MTURN: variants seen among roughly 807,000 people sequenced by gnomAD.
MTURN encodes the protein maturin, neural progenitor differentiation regulator homolog.
MTURN carries 7 observed loss-of-function variants against 14.9 expected under a neutral mutation model. The observed-to-expected ratio is 0.47, with a 90% CI of 0.27 to 0.88. MTURN has a LOEUF of 0.88. Among genes scored for constraint, MTURN ranks in the 40% least tolerant of loss-of-function variants. The probability of loss-of-function intolerance (pLI) is 0.14; values close to 1 mark genes in which losing one functional copy is unlikely to be tolerated. For missense variants in MTURN, 151 were observed against 174.1 expected (o/e 0.87, Z 0.75); for synonymous variants, 69 against 72.5 (o/e 0.95, Z 0.25).
chr7:30,155,110 G>A (rs184143204), intron 2 of MTURN, among the ~76,000 whole-genome samples: 30 of 152,194 alleles, frequency 2.0e-4, no homozygotes, highest in Admixed American at 1.4e-3. Flanking sequence ...CCTCAGCTGC[G>A]CCCTTTTCAT....
At chr7:30,156,060 A>C (rs1316200539) in intron 2 of MTURN, among the ~76,000 whole-genome samples, 1 of 152,062 alleles carries the variant, frequency 6.6e-6, no homozygotes, top group African/African-American at 2.4e-5. Flanking sequence ...GATCTCATGA[A>C]GGCACCAGGA....
At chr7:30,144,160 A>G (rs1370036931) in intron 1 of MTURN, among the ~76,000 whole-genome samples, 1 of 152,248 alleles carries the variant, frequency 6.6e-6, no homozygotes, top group African/African-American at 2.4e-5. Context: ...TTTACTGAAT[A>G]TTCACTGCAT....
chr7:30,155,938 T>G (rs1797280649), intron 2 of MTURN, among the ~76,000 whole-genome samples: 1 of 152,234 alleles, frequency 6.6e-6, no homozygotes, highest in Non-Finnish European at 1.5e-5. Flanking sequence ...TTCTTTTTAC[T>G]GTCTTGATGC....
At chr7:30,143,374 A>C (rs1797083132) in intron 1 of MTURN, among the ~76,000 whole-genome samples, 2 of 142,172 alleles carry the variant, frequency 1.4e-5, no homozygotes, top group South Asian at 2.3e-4. Context: ...TTTTTTTCCC[A>C]ATGACAGACT....
chr7:30,144,043 A>G (rs1190940999), intron 1 of MTURN, among the ~76,000 whole-genome samples: 1 of 152,244 alleles, frequency 6.6e-6, no homozygotes, highest in African/African-American at 2.4e-5. Context: ...TGATTTACTC[A>G]TTGTGTGACC....
intron 1 of MTURN, among the ~76,000 whole-genome samples, chr7:30,138,547 C>A (rs978417525): frequency 6.6e-6 from 1 of 152,044 alleles, no homozygotes; most frequent in African/African-American, 2.4e-5. Flanking sequence ...TTCATCGTGT[C>A]TCCTAATTTG....
chr7:30,150,711 G>A (rs1216974523), intron 2 of MTURN, among the ~76,000 whole-genome samples: 1 of 152,198 alleles, frequency 6.6e-6, no homozygotes, highest in East Asian at 1.9e-4. Context: ...CTGAAGAATA[G>A]CCGGACCTAG....
At chr7:30,145,671 T>C in intron 1 of MTURN, 2 of 661,818 alleles carry the variant, frequency 3.0e-6, no homozygotes, top group Non-Finnish European at 4.9e-6. Flanking sequence ...TCTTAAGTTA[T>C]TTGCATTTGG....
rs541186319 is a variant in MTURN at position 30,143,608 on chromosome 7, A to G, written c.163-2569A>G. 7.2e-5 allele frequency among the ~76,000 whole-genome samples: 11 copies of G among 152,258 alleles called. No homozygotes were observed. The Middle Eastern group carries it at 0.01, about 141-fold the overall frequency. On this transcript the variant is annotated intron_variant, in intron 1 of 2. Transcript: ENST00000324453. Reference sequence around the variant, plus strand: ...ATGTGGACAAGGATTCAGTTACAACATTTTTTAAACCCCAAAACCTAACAG... The same window carrying G: ...ATGTGGACAAGGATTCAGTTACAACGTTTTTTAAACCCCAAAACCTAACAG...
chr7:30,138,423 A>G (rs1301135616), intron 1 of MTURN, among the ~76,000 whole-genome samples: 2 of 152,150 alleles, frequency 1.3e-5, no homozygotes, highest in Non-Finnish European at 2.9e-5. Flanking sequence ...CCTCTATGCC[A>G]TAGTTTCTAC....
At position 30,158,848 on chromosome 7, in the gene MTURN, C is replaced by T. The variant is rs1797327390; in HGVS notation, c.*1300C>T. On this transcript the variant is annotated 3_prime_UTR_variant, in exon 3 of 3. Transcript: ENST00000324453. ...GATGCGGAATGCCTCCTTTACAACACTAGATTAAACCTAGCATCTGGGGTG... is the reference window on the plus strand; with the variant it reads ...GATGCGGAATGCCTCCTTTACAACATTAGATTAAACCTAGCATCTGGGGTG... 6.6e-6 allele frequency: 1 copy of T among 152,168 alleles called. No homozygotes were observed. The highest frequency in any genetic ancestry group is 2.4e-5 in the African/African-American group (1 of 41,430). The allele number at this position is 152,168 out of a possible 1,614,324, so 9.4% of individuals were successfully genotyped here.
chr7:30,142,609 G>T (rs1205571674), intron 1 of MTURN, among the ~76,000 whole-genome samples: 1 of 152,180 alleles, frequency 6.6e-6, no homozygotes, highest in Non-Finnish European at 1.5e-5. Flanking sequence ...CCAAGCAGAG[G>T]TGGATACATT....
chr7:30,149,306 C>T (rs1797173346), intron 2 of MTURN, among the ~76,000 whole-genome samples: 1 of 152,168 alleles, frequency 6.6e-6, no homozygotes. Flanking sequence ...TGAAGTGGAA[C>T]TTTACCTTGT....
At position 30,146,257 on chromosome 7, in the gene MTURN, G is replaced by A. The variant is rs1226035067; in HGVS notation, c.243G>A (p.Thr81=). 3.7e-6 allele frequency: 6 copies of A among 1,614,106 alleles called. No homozygotes were observed. Among genetic ancestry groups the A allele is most frequent in the East Asian group, 4.5e-5 (2 of 44,886 alleles). ...QDYISSCGKK[T]LHEVLEKVFK... ...ACATCTCCTCCTGCGGCAAGAAGAC[G>A]CTCCACGAAGTCCTGGAAAAAGTCT... Residue 81 remains threonine (T), a synonymous_variant, in exon 2 of 3, where the codon ACG becomes ACA. Coordinates refer to ENST00000324453, the MANE Select transcript of MTURN (RefSeq NM_152793.3).
In MTURN at chr7:30,161,508, G is replaced by A. The variant is rs1164018526; in HGVS notation, c.*3960G>A. The A allele has an allele frequency of 6.6e-6, 1 of 152,266 alleles. No individual in the cohort carries two copies. 9.4% of individuals were successfully genotyped at this position (152,266 alleles called of 1,614,324 possible). On this transcript the variant is annotated 3_prime_UTR_variant, in exon 3 of 3. Transcript: ENST00000324453. ...AACCAGCTGCCAGCCTGAGAAGCCT[G>A]TCTTTCCCAAATGCAGGCAGATCTG...
intron 1 of MTURN, among the ~76,000 whole-genome samples, chr7:30,142,531 G>C (rs1025877522): frequency 6.6e-6 from 1 of 152,210 alleles, no homozygotes; most frequent in Non-Finnish European, 1.5e-5. Flanking sequence ...ATGAGCGTCA[G>C]CTGGGAATTT....
chr7:30,158,204 G>A lies in MTURN; in HGVS notation c.*656G>A, dbSNP rs1029012176. ...AGGTGTAAATGTTACTTGCTTGTTC[G>A]ACTGTTTCAAAACATGCTAATTCCA... On this transcript the variant is annotated 3_prime_UTR_variant, in exon 3 of 3. Transcript: ENST00000324453. The A allele has an allele frequency of 3.9e-5, 6 of 152,256 alleles. No homozygotes were observed. The highest frequency in any genetic ancestry group is 1.4e-4 in the African/African-American group (6 of 41,438). The allele number at this position is 152,256 out of a possible 1,614,324, so 9.4% of individuals were successfully genotyped here.
intron 2 of MTURN, among the ~76,000 whole-genome samples, chr7:30,148,208 G>C (rs1797155863): frequency 6.6e-6 from 1 of 152,238 alleles, no homozygotes; most frequent in Non-Finnish European, 1.5e-5. Flanking sequence ...AACATTTGAG[G>C]AAAAACTTAG....
chr7:30,146,494 G>A (rs576798674), intron 2 of MTURN, among the ~76,000 whole-genome samples, 195 bp downstream of exon 2: 3 of 152,252 alleles, frequency 2.0e-5, no homozygotes, highest in Admixed American at 2.0e-4. Context: ...TGACACAGCT[G>A]TTTGCTGCAG....
Sources: allele counts gnomAD v4.1 joint callset (sites outside exome capture counted in the v4.1 genomes callset), GRCh38; gene constraint gnomAD v4.1.1; transcripts MANE v1.5; gene names NCBI Gene and HGNC (gene_info 2026-07-23, HGNC 2026-07-21).